Variants in MTMR2 observed in about 807,000 individuals in gnomAD.
MTMR2 encodes the protein myotubularin related protein 2, also known as phosphatidylinositol-3,5-bisphosphate 3-phosphatase MTMR2.
In MTMR2, 55 loss-of-function variants were observed where a neutral mutation model predicts 86.9. The ratio of observed to expected loss-of-function variants is 0.63; its 90% CI spans 0.51 to 0.79. The LOEUF (loss-of-function observed/expected upper bound fraction) is 0.79, where lower values mean the gene tolerates loss of function less well. MTMR2 is among the 30% of genes least tolerant of loss of function. The pLI is 0.00. For synonymous variants in MTMR2, 241 were observed against 266.8 expected (o/e 0.90, Z 0.94); for missense variants, 659 against 772.3 (o/e 0.85, Z 1.74).
chr11:95,910,734 C>T (rs562176770), intron 1 of MTMR2, among the ~76,000 whole-genome samples: 61 of 152,082 alleles, frequency 4.0e-4, no homozygotes, highest in Admixed American at 4.0e-3. Context: ...GCATGTTTGC[C>T]CAAGAACATT....
intron 12 of MTMR2, among the ~76,000 whole-genome samples, chr11:95,839,030 CTG>C (rs1369692896): frequency 3.3e-5 from 5 of 151,996 alleles, no homozygotes; most frequent in Admixed American, 3.3e-4. Flanking sequence ...AGATTGCAGA[CTG>C]TGAAAATACA....
chr11:95,884,645 C>G (rs530802462), intron 2 of MTMR2, among the ~76,000 whole-genome samples: 2 of 152,214 alleles, frequency 1.3e-5, no homozygotes, highest in African/African-American at 4.8e-5. Context: ...ATCATAATAG[C>G]AGGCTAGACT....
intron 13 of MTMR2, among the ~76,000 whole-genome samples, chr11:95,837,545 A>G (rs1863338326): frequency 6.6e-6 from 1 of 152,186 alleles, no homozygotes; most frequent in East Asian, 1.9e-4. Context: ...TCTTCTTAAT[A>G]CCAACCCCAC....
chr11:95,838,301 A>G, intron 12 of MTMR2, 94 bp from the exon 13 acceptor site: 1 of 745,600 alleles, frequency 1.3e-6, no homozygotes, highest in Non-Finnish European at 2.4e-6. Flanking sequence ...AGTATTTAAA[A>G]TGAAGTTAAA....
chr11:95,921,025 G>C (rs1866901290), intron 1 of MTMR2, among the ~76,000 whole-genome samples: 1 of 152,148 alleles, frequency 6.6e-6, no homozygotes, highest in Non-Finnish European at 1.5e-5. Context: ...TATTTAACTT[G>C]AGTTCATGTA....
chr11:95,845,922 C>T (rs1863771569), intron 10 of MTMR2, among the ~76,000 whole-genome samples: 1 of 139,454 alleles, frequency 7.2e-6, no homozygotes, highest in African/African-American at 2.7e-5. Context: ...CAGCCCTATT[C>T]TTCTCTGCAA....
intron 7 of MTMR2, among the ~76,000 whole-genome samples, chr11:95,852,523 A>G (rs966378110): frequency 6.6e-6 from 1 of 152,156 alleles, no homozygotes; most frequent in African/African-American, 2.4e-5. Flanking sequence ...TTCTTTCATT[A>G]CTACCTTACA....
At chr11:95,870,479 T>A (rs774033183) in intron 2 of MTMR2, among the ~76,000 whole-genome samples, 1 of 152,084 alleles carries the variant, frequency 6.6e-6, no homozygotes, top group East Asian at 1.9e-4. Flanking sequence ...TCTATGGTAA[T>A]AGAAATAAAG....
At chr11:95,913,380 A>C (rs953725452) in intron 1 of MTMR2, among the ~76,000 whole-genome samples, 4 of 152,158 alleles carry the variant, frequency 2.6e-5, no homozygotes, top group Admixed American at 2.6e-4. Context: ...GCTTTGGGGT[A>C]AATTATTAGA....
chr11:95,886,131 C>A (rs577747735), intron 2 of MTMR2, among the ~76,000 whole-genome samples: 1 of 152,096 alleles, frequency 6.6e-6, no homozygotes, highest in South Asian at 2.1e-4. Context: ...TGGGTAGGAT[C>A]CTGGAACAAA....
chr11:95,863,089 T>C lies in MTMR2; in HGVS notation c.263-723A>G, dbSNP rs188517818. Among the ~76,000 whole-genome samples, 161 of 152,334 alleles carry C rather than the reference T, an allele frequency of 1.1e-3. 1 individual carries two copies. Among genetic ancestry groups the C allele is most frequent in the Admixed American group, 5.4e-3 (83 of 15,296 alleles). On this transcript the variant is annotated intron_variant, in intron 3 of 14. Coordinates refer to ENST00000346299, the MANE Select transcript of MTMR2 (RefSeq NM_016156.6). ...TAACTTAGGAATCAGTATCTCAAAA[T>C]ATTATTTAAAATGCCACAGTTCATA...
At position 95,865,591 on chromosome 11, in the gene MTMR2, CA is replaced by C; in HGVS notation, c.262+9del. On this transcript the variant is annotated intron_variant, in intron 3 of 14. Coordinates refer to ENST00000346299, the MANE Select transcript of MTMR2 (RefSeq NM_016156.6). ...GAGAAGGACATTAAGCAAAAAATAC[CA>C]TTACGGACCCATGTCTTTAATATTT... The C allele has an allele frequency of 1.3e-6, 2 of 1,589,450 alleles. No homozygotes were observed. Among genetic ancestry groups the C allele is most frequent in the Non-Finnish European group, 1.7e-6 (2 of 1,160,312 alleles).
chr11:95,865,398 CA>C (rs1309984897), intron 3 of MTMR2: 7 of 582,786 alleles, frequency 1.2e-5, no homozygotes, highest in Non-Finnish European at 1.8e-5. Flanking sequence ...GCATGTTTCC[CA>C]GGAGTTCAAA....
chr11:95,849,618 G>A, intron 9 of MTMR2, 56 bp downstream of exon 9: 1 of 1,529,644 alleles, frequency 6.5e-7, no homozygotes, highest in Non-Finnish European at 9.0e-7. Flanking sequence ...CTGTGGCCCT[G>A]CCAAACTCAG....
intron 1 of MTMR2, among the ~76,000 whole-genome samples, chr11:95,913,358 A>T (rs183746399): frequency 6.4e-4 from 97 of 152,268 alleles, no homozygotes; most frequent in Non-Finnish European, 7.4e-5. Flanking sequence ...CTGGCCCTCT[A>T]ACATTTATTG....
At chr11:95,866,185 G>T (rs563964859) in intron 2 of MTMR2, among the ~76,000 whole-genome samples, 11 of 152,268 alleles carry the variant, frequency 7.2e-5, no homozygotes, top group African/African-American at 2.4e-4. Flanking sequence ...AAATCATCTT[G>T]TTGAAAAAGA....
chr11:95,903,672 T>C (rs1227188078), intron 1 of MTMR2, among the ~76,000 whole-genome samples: 1 of 152,234 alleles, frequency 6.6e-6, no homozygotes, highest in African/African-American at 2.4e-5. Flanking sequence ...CTGAATTTCC[T>C]AGATGCTCTA....
At chr11:95,842,437 T>C (rs986563914) in intron 11 of MTMR2, among the ~76,000 whole-genome samples, 2 of 152,202 alleles carry the variant, frequency 1.3e-5, no homozygotes, top group Admixed American at 6.5e-5. Context: ...TTAGCACTAA[T>C]GTGTCTTCAT....
chr11:95,857,243 TAATC>T (rs1864246119), intron 7 of MTMR2, among the ~76,000 whole-genome samples: 4 of 152,086 alleles, frequency 2.6e-5, no homozygotes, highest in African/African-American at 7.2e-5. Flanking sequence ...TACCAAGAAA[TAATC>T]AATATGTCTT....
Sources: allele counts gnomAD v4.1 joint callset (sites outside exome capture counted in the v4.1 genomes callset), GRCh38; gene constraint gnomAD v4.1.1; transcripts MANE v1.5; gene names NCBI Gene and HGNC (gene_info 2026-07-23, HGNC 2026-07-21).